Variants in SLC17A7 observed in about 807,000 individuals in gnomAD.
SLC17A7 encodes solute carrier family 17 member 7.
Under a neutral mutation model 59.1 loss-of-function variants are expected in SLC17A7, and 15 were observed. The observed-to-expected ratio is 0.25, with a 90% CI of 0.17 to 0.39. The LOEUF (loss-of-function observed/expected upper bound fraction) is 0.39. SLC17A7 is among the 10% of genes least tolerant of loss of function. The pLI is 1.00. For missense variants in SLC17A7, 499 were observed against 765.1 expected (o/e 0.65, Z 4.10); for synonymous variants, 353 against 308.9 (o/e 1.14, Z -1.50).
rs778291491 is a variant in SLC17A7 at position 49,436,621 on chromosome 19, G to A, written c.243C>T (p.Cys81=). The A allele has an allele frequency of 1.9e-6, 3 of 1,614,054 alleles. No individual in the cohort carries two copies. ...TGGAGACGATGGCCACGCCCAGGTT[G>A]CAGCGGATGCCAAAGCTGATGCAGA... ...LGFCISFGIR[C]NLGVAIVSMV... is the part of the protein sequence containing the mutation. The change falls in exon 2 of 12, where the codon TGC becomes TGT. Residue 81 remains cysteine, a synonymous_variant. Transcript: ENST00000221485. The surrounding 1 kb of genome is among the most constrained non-coding windows in gnomAD (Gnocchi z 4.1).
rs1568634360 is a variant in SLC17A7 at position 49,433,283 on chromosome 19, G to A, written c.868-323C>T. 2.5e-6 allele frequency: 1 copy of A among 393,306 alleles called. No homozygotes were observed. The highest frequency in any genetic ancestry group is 4.6e-6 in the Non-Finnish European group (1 of 215,966). 24.4% of individuals were successfully genotyped at this position (393,306 alleles called of 1,614,324 possible). On this transcript the variant is annotated intron_variant, in intron 7 of 11. Transcript: ENST00000221485. This position sits in a 1 kb window ranked among gnomAD's most constrained non-coding sequence, Gnocchi z 5.7. ...TGTATTTTGTATTTTGAGTAGAGACGGGGGTTTCGCCATGTTGCCCAAGCT... is the reference window on the plus strand; with the variant it reads ...TGTATTTTGTATTTTGAGTAGAGACAGGGGTTTCGCCATGTTGCCCAAGCT...
At chr19:49,432,744 G>C (rs1286820279) in intron 8 of SLC17A7, 67 bp downstream of exon 8, 5 of 1,598,424 alleles carry the variant, frequency 3.1e-6, no homozygotes, top group Non-Finnish European at 4.3e-6. Flanking sequence ...TCCCTGCCTC[G>C]GGATCGCCGC....
In SLC17A7 at chr19:49,430,609, C is replaced by CG; in HGVS notation, c.1592dup (p.Ala533GlyfsTer51). The CG allele has an allele frequency of 6.2e-7, 1 of 1,613,562 alleles. No homozygotes were observed. On this transcript the variant is annotated frameshift_variant, in exon 12 of 12. Transcript: ENST00000221485. LOFTEE classifies it high-confidence loss of function. ...AGGGCGGGGGTGCAGGGGGTGCCCC[C>CG]GGGGGCTCAGCCTCATCCTCCATTT...
intron 1 of SLC17A7, among the ~76,000 whole-genome samples, chr19:49,440,028 A>C (rs2122309434): frequency 6.6e-6 from 1 of 152,216 alleles, no homozygotes; most frequent in Non-Finnish European, 1.5e-5. Context: ...GGAAAATTGG[A>C]AAAAGAAGGG....
chr19:49,434,973 TC>T (rs1294909339), intron 3 of SLC17A7, 91 bp from the exon 4 acceptor site: 1 of 1,295,726 alleles, frequency 7.7e-7, no homozygotes, highest in South Asian at 1.2e-5. Context: ...GGCCCAGTGG[TC>T]CCCGGGACCC....
chr19:49,434,758 G>A lies in SLC17A7; in HGVS notation c.549+10C>T, dbSNP rs140689958. The A allele has an allele frequency of 8.9e-5, 144 of 1,614,060 alleles. 3 individuals carry two copies. The East Asian group carries it at 2.9e-3, about 33-fold the overall frequency. The stretch of plus-strand genomic sequence containing the variant: ...GAGCGAGGGCAGGGTCATATCAGGC[G>A]GGGATTTACCTCTACCAACCCCTGC... On this transcript the variant is annotated intron_variant, in intron 4 of 11. Transcript: ENST00000221485.
In SLC17A7 at chr19:49,429,788, G is replaced by C; in HGVS notation, c.*731C>G. 1 of 389,930 alleles carries C rather than the reference G, an allele frequency of 2.6e-6. No individual in the cohort carries two copies. 24.2% of individuals were successfully genotyped at this position (389,930 alleles called of 1,614,324 possible). A position where few individuals can be genotyped will look rare whatever the true frequency, so the allele number is the denominator to read the frequency against. ...CATGGACTGGAGCAGCCACTATTTA[G>C]ACCTGAAAACCATGTCAGAAAAAGT... On this transcript the variant is annotated 3_prime_UTR_variant, in exon 12 of 12. Transcript: ENST00000221485.
chr19:49,436,744 G>T lies in SLC17A7; in HGVS notation c.120C>A (p.Arg40=). 1 of 1,609,570 alleles carries T rather than the reference G, an allele frequency of 6.2e-7. No individual in the cohort carries two copies. The highest frequency in any genetic ancestry group is 8.5e-7 in the Non-Finnish European group (1 of 1,179,934). ...AETLELSADG[R]PVTTQTRDPP... ...GGTCCCGGGTCTGCGTGGTCACCGG[G>T]CGCCCATCCGCACTCAGCTCCAGCG... The change falls in exon 2 of 12, where the codon CGC becomes CGA. Residue 40 remains arginine, a synonymous_variant. Coordinates refer to ENST00000221485, the MANE Select transcript of SLC17A7 (RefSeq NM_020309.4). This position sits in a 1 kb window ranked among gnomAD's most constrained non-coding sequence, Gnocchi z 4.1.
In SLC17A7 at chr19:49,433,547, A is replaced by T. The variant is rs1250620176; in HGVS notation, c.867+179T>A. ...CAACTCCCGACCTAACCCTGCCCCC[A>T]GCACCTGAGAATCTCGTCCTCCGCG... On this transcript the variant is annotated intron_variant, in intron 7 of 11. Coordinates refer to ENST00000221485, the MANE Select transcript of SLC17A7 (RefSeq NM_020309.4). This position sits in a 1 kb window ranked among gnomAD's most constrained non-coding sequence, Gnocchi z 5.7. 2.4e-6 allele frequency: 2 copies of T among 825,070 alleles called. No individual in the cohort carries two copies. The highest frequency in any genetic ancestry group is 3.4e-5 in the African/African-American group (2 of 59,294). The allele number at this position is 825,070 out of a possible 1,614,324, so 51.1% of individuals were successfully genotyped here.
chr19:49,435,512 A>G, intron 2 of SLC17A7: 1 of 456,740 alleles, frequency 2.2e-6, no homozygotes, highest in Non-Finnish European at 3.9e-6. Flanking sequence ...AGAGTCCATC[A>G]CCACCTAGAC....
In SLC17A7 at chr19:49,430,588, C is replaced by CGGGGGTGCA. The variant is rs750791193; in HGVS notation, c.1605_1613dup (p.Ala536_Pro538dup). Reference sequence around the variant, plus strand: ...TGCTGTGTGTGGCCCCATAGGAGGGCGGGGGTGCAGGGGGTGCCCCCGGGG... The same window carrying CGGGGGTGCA: ...TGCTGTGTGTGGCCCCATAGGAGGGCGGGGGTGCAGGGGGTGCAGGGGGTGCCCCCGGGG... On this transcript the variant is annotated inframe_insertion, in exon 12 of 12. Coordinates refer to ENST00000221485, the MANE Select transcript of SLC17A7 (RefSeq NM_020309.4). 1.3e-6 allele frequency: 2 copies of CGGGGGTGCA among 1,485,596 alleles called. No homozygotes were observed. Among genetic ancestry groups the CGGGGGTGCA allele is most frequent in the African/African-American group, 1.5e-5 (1 of 68,840 alleles). The allele number at this position is 1,485,596 out of a possible 1,614,324, so 92.0% of individuals were successfully genotyped here.
chr19:49,434,062 C>A lies in SLC17A7; in HGVS notation c.638-16G>T. Reference sequence around the variant, plus strand: ...GCATAGGAACCTAAGGGGGAGGATGCGGGGGAGAGAACAGGCCCATCTTCC... The same window carrying A: ...GCATAGGAACCTAAGGGGGAGGATGAGGGGGAGAGAACAGGCCCATCTTCC... On this transcript the variant is annotated splice_polypyrimidine_tract_variant and intron_variant, in intron 5 of 11. Coordinates refer to ENST00000221485, the MANE Select transcript of SLC17A7 (RefSeq NM_020309.4). 1.3e-6 allele frequency: 2 copies of A among 1,570,704 alleles called. No individual in the cohort carries two copies. Among genetic ancestry groups the A allele is most frequent in the South Asian group, 1.1e-5 (1 of 90,220 alleles).
At position 49,433,305 on chromosome 19, in the gene SLC17A7, A is replaced by G; in HGVS notation, c.868-345T>C. The stretch of plus-strand genomic sequence containing the variant: ...GACGGGGGTTTCGCCATGTTGCCCA[A>G]GCTGGTCTGGAACTCCTGGGCTCAA... On this transcript the variant is annotated intron_variant, in intron 7 of 11. Transcript: ENST00000221485. The surrounding 1 kb of genome is among the most constrained non-coding windows in gnomAD (Gnocchi z 5.7). The G allele has an allele frequency of 2.5e-6, 1 of 394,280 alleles. No homozygotes were observed. Among genetic ancestry groups the G allele is most frequent in the South Asian group, 2.6e-5 (1 of 38,320 alleles). 24.4% of individuals were successfully genotyped at this position (394,280 alleles called of 1,614,324 possible).
At chr19:49,432,130 C>T (rs188125847) in intron 9 of SLC17A7, among the ~76,000 whole-genome samples, 6,981 of 152,234 alleles carry the variant, frequency 0.046, 418 homozygotes, top group East Asian at 0.13. Context: ...GCAAATCTCA[C>T]TTGTTAGACA....
In SLC17A7 at chr19:49,441,184, G is replaced by A. The variant is rs1037449545; in HGVS notation, c.62+134C>T. The A allele has an allele frequency of 4.8e-5, 72 of 1,496,040 alleles. 1 individual carries two copies. The African/African-American group carries it at 9.2e-4, about 19-fold the overall frequency. The allele number at this position is 1,496,040 out of a possible 1,614,324, so 92.7% of individuals were successfully genotyped here. ...GGAGAACAGCGCCGTCGGAGCCCAC[G>A]GCAGAAAACTGGACAGATGGGTGGA... On this transcript the variant is annotated intron_variant, in intron 1 of 11. Transcript: ENST00000221485.
chr19:49,441,463 T>G lies in SLC17A7; in HGVS notation c.-84A>C, dbSNP rs1289466716. 2 of 1,045,672 alleles carry G rather than the reference T, an allele frequency of 1.9e-6. No homozygotes were observed. Among genetic ancestry groups the G allele is most frequent in the African/African-American group, 5.0e-5 (1 of 20,056 alleles). The allele number at this position is 1,045,672 out of a possible 1,614,324, so 64.8% of individuals were successfully genotyped here. A position where few individuals can be genotyped will look rare whatever the true frequency, so the allele number is the denominator to read the frequency against. On this transcript the variant is annotated 5_prime_UTR_variant, in exon 1 of 12. Transcript: ENST00000221485. ...CGGGCCCGGGCGGCCGCGTCCGGGT[T>G]CCCGGGGTCCAGCCCCGGCCCGGCC...
intron 9 of SLC17A7, among the ~76,000 whole-genome samples, chr19:49,432,149 C>T (rs1171545325): frequency 2.0e-5 from 3 of 152,170 alleles, no homozygotes; most frequent in Non-Finnish European, 2.9e-5. Flanking sequence ...CAGCAGGCCC[C>T]CTAGGACCCT....
Position 49,433,764 on chromosome 19 carries a change from C to A in SLC17A7, c.829G>T (p.Ala277Ser). ...SEEERKYIED[A>S]IGESAKLMNP... ...ATGAGTTTCGCGCTCTCTCCGATGG[C>A]GTCCTCGATGTACTTGCGCTCCTCC... Residue 277 changes from alanine to serine, a missense_variant, in exon 7 of 12, where the codon GCC (alanine) becomes TCC (serine). This residue lies in a region of SLC17A7 where 323 missense variants were observed against 607.2 expected (regional missense o/e 0.53). Transcript: ENST00000221485. This position sits in a 1 kb window ranked among gnomAD's most constrained non-coding sequence, Gnocchi z 5.7. 6.2e-7 allele frequency: 1 copy of A among 1,614,106 alleles called. No individual in the cohort carries two copies. The highest frequency in any genetic ancestry group is 1.1e-5 in the South Asian group (1 of 91,074).
In SLC17A7 at chr19:49,430,591, G is replaced by A. The variant is rs140977304; in HGVS notation, c.1611C>T (p.Pro537=). 6.2e-6 allele frequency: 10 copies of A among 1,612,320 alleles called. No homozygotes were observed. The highest frequency in any genetic ancestry group is 7.6e-6 in the Non-Finnish European group (9 of 1,178,896). The part of the protein sequence containing the change: ...EAEPPGAPPA[P]PPSYGATHST... ...TGTGTGTGGCCCCATAGGAGGGCGG[G>A]GGTGCAGGGGGTGCCCCCGGGGGCT... The change falls in exon 12 of 12, where the codon CCC becomes CCT. Residue 537 remains proline, a synonymous_variant. Transcript: ENST00000221485.
Sources: gnomAD v4.1 joint callset for allele counts (sites outside exome capture counted in the v4.1 genomes callset) on GRCh38, gnomAD v4.1.1 for gene constraint, gnomAD v4.1.1 regional missense constraint, Gnocchi (gnomAD v3.1) non-coding constraint, MANE v1.5 for transcripts, NCBI Gene and HGNC (gene_info 2026-07-23, HGNC 2026-07-21) for gene names.